RBFOX1: variants seen among roughly 807,000 people sequenced by gnomAD.
RBFOX1 encodes RNA binding fox-1 homolog 1.
A neutral mutation model predicts 57.7 loss-of-function variants in RBFOX1; 8 were observed. The observed-to-expected ratio is 0.14, with a 90% confidence interval of 0.08 to 0.25. The LOEUF (loss-of-function observed/expected upper bound fraction) is 0.25. RBFOX1 is among the 10% of genes least tolerant of loss of function. The pLI is 1.00. For synonymous variants in RBFOX1, 326 were observed against 222.4 expected, an observed-to-expected ratio of 1.47 and a Z score of -4.15; for missense variants, 611 against 548.5, an observed-to-expected ratio of 1.11 and a Z score of -1.14.
intron 1 of RBFOX1, chr16:5,366,286 G>T: frequency 2.7e-6 from 1 of 374,766 alleles, no homozygotes; most frequent in South Asian, 2.2e-5. Flanking sequence ...GATGATGCTG[G>T]TCATGACGAT....
rs892964986 is a variant in RBFOX1, at chr16:7,195,225, C to T, written c.27+143127C>T. ...TCATGGACTGAGTTTCCCAGAATAGCCTTATATTTGGTGATAATGTCTCTG... is the reference window on the plus strand; with the variant it reads ...TCATGGACTGAGTTTCCCAGAATAGTCTTATATTTGGTGATAATGTCTCTG... On this transcript the variant is annotated intron_variant, in intron 4 of 15. Coordinates refer to ENST00000550418, the MANE Select transcript of RBFOX1 (RefSeq NM_018723.4). 7.2e-5 allele frequency among the ~76,000 whole-genome samples: 11 copies of T among 152,176 alleles called. No individual in the cohort carries two copies. In the East Asian group the frequency reaches 1.9e-3, roughly 27 times the overall value.
At chr16:7,553,986 G>C (rs994985455) in intron 5 of RBFOX1, among the ~76,000 whole-genome samples, 1 of 152,180 alleles carries the variant, frequency 6.6e-6, no homozygotes, top group Non-Finnish European at 1.5e-5. Flanking sequence ...GCTCACACTT[G>C]TAACCCAAGC....
chr16:7,427,005 A>G (rs545483512), intron 4 of RBFOX1, among the ~76,000 whole-genome samples: 7 of 152,202 alleles, frequency 4.6e-5, no homozygotes, highest in African/African-American at 7.2e-5. Flanking sequence ...TCAGCAAACT[A>G]TTGAAAGGAC....
intron 2 of RBFOX1, among the ~76,000 whole-genome samples, chr16:6,582,803 T>G (rs1458075915): frequency 6.7e-6 from 1 of 148,582 alleles, no homozygotes; most frequent in Non-Finnish European, 1.5e-5. Flanking sequence ...CTTTCCTAGC[T>G]TCCCCTCCCC....
chr16:7,285,011 C>G (rs1293125887), intron 4 of RBFOX1, among the ~76,000 whole-genome samples: 1 of 148,152 alleles, frequency 6.7e-6, no homozygotes, highest in Non-Finnish European at 1.5e-5. Context: ...AATGCCGCCT[C>G]TTCAGAAAAG....
At chr16:7,411,902 CAAA>C (rs60700135) in intron 4 of RBFOX1, among the ~76,000 whole-genome samples, 1,010 of 95,372 alleles carry the variant, frequency 0.011, 4 homozygotes, top group African/African-American at 0.02. Context: ...AAACTCCTTT[CAAA>C]AAAAAAAAAA....
At chr16:6,417,926 G>A (rs2093670299) in intron 2 of RBFOX1, among the ~76,000 whole-genome samples, 1 of 152,048 alleles carries the variant, frequency 6.6e-6, no homozygotes, top group African/African-American at 2.4e-5. Context: ...TTTCCCTTTT[G>A]GAAAGTTGTA....
At chr16:7,167,866 CG>C (rs373026307) in intron 4 of RBFOX1, among the ~76,000 whole-genome samples, 209 of 152,256 alleles carry the variant, frequency 1.4e-3, no homozygotes, top group African/African-American at 4.7e-3. Flanking sequence ...TGGCCCTCTG[CG>C]AAAAAAGTGT....
At chr16:5,339,318 G>A (rs972581760) in intron 1 of RBFOX1, among the ~76,000 whole-genome samples, 1 of 151,966 alleles carries the variant, frequency 6.6e-6, no homozygotes, top group African/African-American at 2.4e-5. Flanking sequence ...TACTGTTATA[G>A]TAACATGCTA....
chr16:7,095,510 G>A (rs1056377737), intron 4 of RBFOX1, among the ~76,000 whole-genome samples: 1 of 152,192 alleles, frequency 6.6e-6, no homozygotes, highest in Non-Finnish European at 1.5e-5. Flanking sequence ...ATGTGGAGTT[G>A]TGTGTCCTCT....
At chr16:7,247,929 A>G (rs746060533) in intron 4 of RBFOX1, among the ~76,000 whole-genome samples, 16 of 152,218 alleles carry the variant, frequency 1.1e-4, no homozygotes, top group Admixed American at 2.6e-4. Flanking sequence ...AGGAAAAATA[A>G]CTAATGAGTA....
chr16:6,629,599 G>A (rs1327285776), intron 2 of RBFOX1, among the ~76,000 whole-genome samples: 1 of 152,130 alleles, frequency 6.6e-6, no homozygotes, highest in African/African-American at 2.4e-5. Context: ...GTGGGTGTCT[G>A]GCTGCAAGAT....
chr16:5,713,091 A>T (rs947288412), intron 3 of RBFOX1, among the ~76,000 whole-genome samples: 1 of 152,228 alleles, frequency 6.6e-6, no homozygotes, highest in Non-Finnish European at 1.5e-5. Flanking sequence ...CTTTCCTTTA[A>T]GCAAGCATCC....
intron 1 of RBFOX1, among the ~76,000 whole-genome samples, chr16:6,171,313 A>T (rs1471332672): frequency 6.6e-6 from 1 of 152,232 alleles, no homozygotes. Context: ...CAGCCGCACC[A>T]CAACAGGTTT....
At chr16:6,694,187 C>T (rs554472909) in intron 3 of RBFOX1, among the ~76,000 whole-genome samples, 2 of 152,104 alleles carry the variant, frequency 1.3e-5, no homozygotes, top group Non-Finnish European at 2.9e-5. Context: ...CTAAATAATC[C>T]CTTTAGGGCA....
chr16:6,822,343 C>T (rs759005302), intron 3 of RBFOX1, among the ~76,000 whole-genome samples: 1 of 152,182 alleles, frequency 6.6e-6, no homozygotes, highest in Non-Finnish European at 1.5e-5. Context: ...GACTCTCAGC[C>T]ATTCTGTGGT....
chr16:6,910,958 T>A (rs1031069901), intron 3 of RBFOX1, among the ~76,000 whole-genome samples: 1 of 152,098 alleles, frequency 6.6e-6, no homozygotes, highest in East Asian at 1.9e-4. Flanking sequence ...CCCAGCACTT[T>A]GGGAGGCCGA....
chr16:7,315,647 AAT>A (rs5815396), intron 4 of RBFOX1, among the ~76,000 whole-genome samples: 106,961 of 148,772 alleles, frequency 0.72, 38,272 homozygotes, highest in East Asian at 0.88. Flanking sequence ...TGGAGAACAG[AAT>A]ATATATATAT....
At chr16:7,319,036 G>T (rs2096495639) in intron 4 of RBFOX1, among the ~76,000 whole-genome samples, 1 of 152,162 alleles carries the variant, frequency 6.6e-6, no homozygotes, top group Non-Finnish European at 1.5e-5. Flanking sequence ...GTTTTAGATG[G>T]TTAAGGCAGG....
Sources: allele counts gnomAD v4.1 joint callset (sites outside exome capture counted in the v4.1 genomes callset), GRCh38; gene constraint gnomAD v4.1.1; transcripts MANE v1.5; gene names NCBI Gene and HGNC (gene_info 2026-07-23, HGNC 2026-07-21).